PLCD1: variants seen among roughly 807,000 people sequenced by gnomAD.
PLCD1 encodes the protein phospholipase C delta 1.
PLCD1 carries 71 observed loss-of-function variants against 87.4 expected under a neutral mutation model. The ratio of observed to expected loss-of-function variants is 0.81; its 90% confidence interval spans 0.67 to 0.99. The LOEUF is 0.99. Ranked by LOEUF, PLCD1 falls within the 50% of genes least tolerant of loss-of-function variation. The pLI is 0.00. For synonymous variants in PLCD1, 348 were observed against 399.2 expected, an observed-to-expected ratio of 0.87 and a Z score of 1.53; for missense variants, 867 against 1,001.5, an observed-to-expected ratio of 0.87 and a Z score of 1.81.
At chr3:38,024,045 C>T (rs548432601) in intron 1 of PLCD1, 4 of 458,210 alleles carry the variant, frequency 8.7e-6, no homozygotes, top group Non-Finnish European at 1.6e-5. Context: ...GCCACATACA[C>T]GGTGCCTCAG....
In PLCD1 at chr3:38,009,647, T is replaced by C; in HGVS notation, c.1446+6A>G. ...GGCTGCCCCACCCCACAGCTCCCCC[T>C]CAAACCTTGGGCTTGTGCTGCACAC... On this transcript the variant is annotated splice_donor_region_variant and intron_variant, in intron 9 of 14. Transcript: ENST00000334661. 1 of 1,613,766 alleles carries C rather than the reference T, an allele frequency of 6.2e-7. No individual in the cohort carries two copies. Among genetic ancestry groups the C allele is most frequent in the Non-Finnish European group, 8.5e-7 (1 of 1,179,950 alleles).
At chr3:38,024,422 C>G in intron 1 of PLCD1, 1 of 1,612,198 alleles carries the variant, frequency 6.2e-7, no homozygotes, top group East Asian at 2.2e-5. Flanking sequence ...TCCGGATCCC[C>G]AGGCACTGCA....
rs185266359 is a variant in PLCD1, at chr3:38,025,893, G to A, written c.34+3613C>T. Among the ~76,000 whole-genome samples the A allele has an allele frequency of 1.3e-5, 2 of 152,356 alleles. No homozygotes were observed. The highest frequency in any genetic ancestry group is 3.9e-4 in the East Asian group (2 of 5,192). On this transcript the variant is annotated intron_variant, in intron 1 of 14. Transcript: ENST00000334661. This position sits in a 1 kb window ranked among gnomAD's most constrained non-coding sequence, Gnocchi z 4.0. ...GCAGCTCCAGTCACCAGCATTGACA[G>A]TGAGTCACTGGCAAAGCCAGTTATT... is the stretch of plus-strand genomic sequence containing the variant.
chr3:38,020,165 C>T, intron 2 of PLCD1, 23 bp downstream of exon 2: 1 of 1,607,516 alleles, frequency 6.2e-7, no homozygotes, highest in Non-Finnish European at 8.5e-7. Context: ...CTATCCCCTC[C>T]CCTGTGACCC....
intron 1 of PLCD1, among the ~76,000 whole-genome samples, chr3:38,027,188 G>A (rs937285560): frequency 9.9e-5 from 15 of 152,152 alleles, no homozygotes; most frequent in African/African-American, 2.7e-4. Context: ...TGGCTGGCTC[G>A]CTCTTGAATC....
chr3:38,008,299 T>G lies in PLCD1; in HGVS notation c.1971A>C (p.Thr657=), dbSNP rs781065194. The change falls in exon 13 of 15, where the codon ACA becomes ACC. Residue 657 remains threonine (T), a synonymous_variant. Transcript: ENST00000334661. Reference sequence around the variant, plus strand: ...CCCGGCTCACGCCATGGATCTCCACTGTCACTTTGGGGTCCACAATTGAAT... The same window carrying G: ...CCCGGCTCACGCCATGGATCTCCACGGTCACTTTGGGGTCCACAATTGAAT... ...NKNSIVDPKV[T]VEIHGVSRDV... is the part of the protein sequence containing the mutation. 1.2e-6 allele frequency: 2 copies of G among 1,614,106 alleles called. No homozygotes were observed. The highest frequency in any genetic ancestry group is 1.3e-5 in the African/African-American group (1 of 74,956).
At chr3:38,012,935 G>A (rs910011383) in intron 3 of PLCD1, among the ~76,000 whole-genome samples, 6 of 151,904 alleles carry the variant, frequency 3.9e-5, no homozygotes, top group Non-Finnish European at 7.4e-5. Context: ...ACAGGGTCTC[G>A]CTCTGTTGCC....
chr3:38,023,835 C>A (rs908083280), intron 1 of PLCD1, among the ~76,000 whole-genome samples: 2 of 151,158 alleles, frequency 1.3e-5, no homozygotes, highest in African/African-American at 2.4e-5. Flanking sequence ...CTTTGTTTCA[C>A]AACATTACAC....
intron 3 of PLCD1, among the ~76,000 whole-genome samples, chr3:38,012,516 GTTTT>G (rs1207854387): frequency 7.4e-6 from 1 of 134,652 alleles, no homozygotes; most frequent in Non-Finnish European, 1.6e-5. Flanking sequence ...TTAGAATGAA[GTTTT>G]TTTTTTTTTT....
chr3:38,019,042 G>C (rs1267736502), intron 2 of PLCD1: 1 of 152,326 alleles, frequency 6.6e-6, no homozygotes, highest in African/African-American at 2.4e-5. Context: ...CCTGAGGCAA[G>C]GCAGACCCTT....
rs1455131154 is a variant in PLCD1, at chr3:38,008,236, A to ATTG, written c.2031_2033dup (p.Asn678dup). On this transcript the variant is annotated inframe_insertion and splice_region_variant, in exon 13 of 15. Coordinates refer to ENST00000334661, the MANE Select transcript of PLCD1 (RefSeq NM_006225.4). ...GCCCAGCCCAGGCCCAGCACCTACC[A>ATTG]TTGTTGGTGATGACAGCAGTCTGGC... The ATTG allele has an allele frequency of 8.1e-6, 13 of 1,613,928 alleles. No homozygotes were observed. The highest frequency in any genetic ancestry group is 1.3e-5 in the African/African-American group (1 of 74,920).
In PLCD1 at chr3:38,008,210, AGCCCAGCCCAG is replaced by A; in HGVS notation, c.2035+14_2035+24del. The A allele has an allele frequency of 6.2e-7, 1 of 1,613,828 alleles. No individual in the cohort carries two copies. Among genetic ancestry groups the A allele is most frequent in the Non-Finnish European group, 8.5e-7 (1 of 1,180,032 alleles). On this transcript the variant is annotated intron_variant, in intron 13 of 14. Coordinates refer to ENST00000334661, the MANE Select transcript of PLCD1 (RefSeq NM_006225.4). ...CAGCAGCATGGACACCAGCCCTAGT[AGCCCAGCCCAG>A]GCCCAGCACCTACCATTGTTGGTGA...
chr3:38,008,257 C>G lies in PLCD1; in HGVS notation c.2013G>C (p.Gln671His), dbSNP rs760117251. 9 of 1,614,088 alleles carry G rather than the reference C, an allele frequency of 5.6e-6. No individual in the cohort carries two copies. In the East Asian group the frequency reaches 2.0e-4, roughly 36 times the overall value. ...HGVSRDVASR[Q>H]TAVITNNGFN... ...TACCATTGTTGGTGATGACAGCAGT[C>G]TGGCGGCTGGCCACGTCCCGGCTCA... The change falls in exon 13 of 15, where the codon CAG becomes CAC. Residue 671 changes from glutamine to histidine, a missense_variant. By Grantham distance (24) the Gln-to-His change is conservative. Coordinates refer to ENST00000334661, the MANE Select transcript of PLCD1 (RefSeq NM_006225.4).
chr3:38,009,316 G>T lies in PLCD1; in HGVS notation c.1562C>A (p.Ala521Glu). The part of the protein sequence containing the change: ...GTPGQAFYEM[A>E]SFSENRALRL... Reference sequence around the variant, plus strand: ...AAGGGCACGGTTCTCAGAGAAGGACGCCATCTCGTAGAAGGCCTGTCCAGG... The same window carrying T: ...AAGGGCACGGTTCTCAGAGAAGGACTCCATCTCGTAGAAGGCCTGTCCAGG... The change falls in exon 10 of 15, where the codon GCG becomes GAG. Residue 521 changes from alanine (A) to glutamate (E), a missense_variant. Physicochemically the swap from Ala to Glu is moderately radical, Grantham distance 107 (BLOSUM62 -1). Coordinates refer to ENST00000334661, the MANE Select transcript of PLCD1 (RefSeq NM_006225.4). 6.2e-7 allele frequency: 1 copy of T among 1,614,182 alleles called. No homozygotes were observed. Among genetic ancestry groups the T allele is most frequent in the Non-Finnish European group, 8.5e-7 (1 of 1,180,018 alleles).
At chr3:38,024,733 G>A (rs1394064500) in intron 1 of PLCD1, 1 of 1,406,902 alleles carries the variant, frequency 7.1e-7, no homozygotes, top group East Asian at 3.1e-5. Flanking sequence ...GAGCGAAACC[G>A]AGGCAAAGTA....
In PLCD1 at chr3:38,011,302, C is replaced by T. The variant is rs537596445; in HGVS notation, c.702G>A (p.Val234=). 5.6e-6 allele frequency: 9 copies of T among 1,612,130 alleles called. No homozygotes were observed. The African/African-American group carries it at 1.1e-4, about 19-fold the overall frequency. ...CCCGCTGCTGGTGCTGCAGGAACGTCACTAACTGATCCACCGACAGAGTCT... is the reference window on the plus strand; with the variant it reads ...CCCGCTGCTGGTGCTGCAGGAACGTTACTAACTGATCCACCGACAGAGTCT... ...SGETLSVDQL[V]TFLQHQQREE... The change falls in exon 5 of 15, where the codon GTG becomes GTA. Residue 234 remains valine, a synonymous_variant. Coordinates refer to ENST00000334661, the MANE Select transcript of PLCD1 (RefSeq NM_006225.4).
intron 9 of PLCD1, 89 bp from the exon 10 acceptor site, chr3:38,009,520 G>C (rs1275628921): frequency 6.4e-7 from 1 of 1,562,800 alleles, no homozygotes; most frequent in Non-Finnish European, 8.8e-7. Flanking sequence ...CAGAGAGACA[G>C]AGGGAGACAG....
chr3:38,029,134 T>A (rs1700336649), intron 1 of PLCD1, among the ~76,000 whole-genome samples: 1 of 152,208 alleles, frequency 6.6e-6, no homozygotes, highest in Admixed American at 6.5e-5. Flanking sequence ...AAGGAGAATT[T>A]TGGTCGTTCT....
rs149967286 is a variant in PLCD1, at chr3:38,007,931, G to A, written c.2186-73C>T. 8,564 of 1,605,240 alleles carry A rather than the reference G, an allele frequency of 5.3e-3. 48 individuals carry two copies. The highest frequency in any genetic ancestry group is 8.9e-3 in the South Asian group (812 of 90,904). On this transcript the variant is annotated intron_variant, in intron 14 of 14. Coordinates refer to ENST00000334661, the MANE Select transcript of PLCD1 (RefSeq NM_006225.4). ...TCGGCGGCGGAGGGGGGGTGGATGCGTCAAGGGACAGCCAGCCCCAGCCCA... is the reference window on the plus strand; with the variant it reads ...TCGGCGGCGGAGGGGGGGTGGATGCATCAAGGGACAGCCAGCCCCAGCCCA...
Sources: gnomAD v4.1 joint callset for allele counts (sites outside exome capture counted in the v4.1 genomes callset) on GRCh38, gnomAD v4.1.1 for gene constraint, Gnocchi (gnomAD v3.1) non-coding constraint, MANE v1.5 for transcripts, NCBI Gene and HGNC (gene_info 2026-07-23, HGNC 2026-07-21) for gene names.